RALGAPA1: variants seen among roughly 807,000 people sequenced by gnomAD.
RALGAPA1 encodes the protein Ral GTPase activating protein catalytic subunit alpha 1.
RALGAPA1 carries 52 observed loss-of-function variants against 269.6 expected under a neutral mutation model. That is an observed-to-expected ratio of 0.19 (90% CI 0.15 to 0.24). RALGAPA1 has a LOEUF of 0.24. Among genes scored for constraint, RALGAPA1 ranks in the 10% least tolerant of loss-of-function variants. RALGAPA1 has a pLI of 1.00. For missense variants in RALGAPA1, 1,917 were observed against 3,013.9 expected, an observed-to-expected ratio of 0.64 and a Z score of 8.52; for synonymous variants, 817 against 1,008.3, an observed-to-expected ratio of 0.81 and a Z score of 3.60.
At chr14:35,629,720 T>C (rs187461383) in intron 33 of RALGAPA1, among the ~76,000 whole-genome samples, 2 of 152,122 alleles carry the variant, frequency 1.3e-5, no homozygotes, top group African/African-American at 4.8e-5. Flanking sequence ...AGGCTGGTCT[T>C]GAACTCTTGA....
intron 37 of RALGAPA1, among the ~76,000 whole-genome samples, chr14:35,579,007 T>C (rs924866809): frequency 7.2e-5 from 11 of 152,028 alleles, no homozygotes; most frequent in Admixed American, 6.6e-5. Context: ...GAAAATAATA[T>C]AGGGTAATGT....
intron 16 of RALGAPA1, among the ~76,000 whole-genome samples, chr14:35,702,111 T>A (rs559837973): frequency 6.6e-6 from 1 of 152,326 alleles, no homozygotes; most frequent in East Asian, 1.9e-4. Context: ...AAGAACCATA[T>A]CCCCTGATCT....
intron 25 of RALGAPA1, among the ~76,000 whole-genome samples, chr14:35,672,141 T>C (rs2064511056): frequency 6.6e-6 from 1 of 152,314 alleles, no homozygotes; most frequent in Non-Finnish European, 1.5e-5. Flanking sequence ...GTCATTTTAC[T>C]TGAGACATGT....
In RALGAPA1 at chr14:35,742,503, T is replaced by C. The variant is rs1162657377; in HGVS notation, c.1314A>G (p.Glu438=). 6.2e-7 allele frequency: 1 copy of C among 1,602,840 alleles called. No homozygotes were observed. Among genetic ancestry groups the C allele is most frequent in the Admixed American group, 1.7e-5 (1 of 59,826 alleles). The change falls in exon 11 of 42, where the codon GAA becomes GAG. Residue 438 remains glutamate (E), a synonymous_variant. Coordinates refer to ENST00000680220, the MANE Select transcript of RALGAPA1 (RefSeq NM_001346249.2). ...AAGGTTTTTCCTCTTGTTGGATCCATTCTTGATATACTTTTACCACTTTTC... is the reference window on the plus strand; with the variant it reads ...AAGGTTTTTCCTCTTGTTGGATCCACTCTTGATATACTTTTACCACTTTTC... ...AMRKVVKVYQ[E]WIQQEEKPLF...
intron 15 of RALGAPA1, among the ~76,000 whole-genome samples, chr14:35,722,151 C>T (rs1489387335): frequency 1.3e-5 from 2 of 152,132 alleles, no homozygotes; most frequent in African/African-American, 4.8e-5. Flanking sequence ...AGGAAAGGTG[C>T]TAAACAAAAC....
At chr14:35,739,987 GTC>G (rs2071398700) in intron 11 of RALGAPA1, among the ~76,000 whole-genome samples, 1 of 152,066 alleles carries the variant, frequency 6.6e-6, no homozygotes, top group African/African-American at 2.4e-5. Flanking sequence ...CTGCTGTTCT[GTC>G]TCATCTACTC....
At chr14:35,623,805 C>T (rs563979165) in intron 35 of RALGAPA1, among the ~76,000 whole-genome samples, 20 of 152,248 alleles carry the variant, frequency 1.3e-4, no homozygotes, top group Middle Eastern at 3.4e-3. Flanking sequence ...TTAGGCCGGG[C>T]GCGGTGGCTC....
At chr14:35,556,889 T>A (rs1454213637) in intron 39 of RALGAPA1, among the ~76,000 whole-genome samples, 1 of 152,122 alleles carries the variant, frequency 6.6e-6, no homozygotes, top group Non-Finnish European at 1.5e-5. Flanking sequence ...TGCTCATAAA[T>A]CAGTCAATTA....
At chr14:35,606,288 C>A (rs2059592886) in intron 35 of RALGAPA1, among the ~76,000 whole-genome samples, 2 of 152,176 alleles carry the variant, frequency 1.3e-5, no homozygotes, top group Admixed American at 1.3e-4. Flanking sequence ...GATGGTACAG[C>A]CTACTACACA....
chr14:35,685,049 C>T lies in RALGAPA1; in HGVS notation c.4174G>A (p.Asp1392Asn), dbSNP rs749747392. ...GTCCATTCTGAGGGCACACCTGGGT[C>T]ATCAATAGGGCGCATCTGGTTCTGC... ...NKQNQMRPID[D>N]PGVPSEWTSP... is the part of the protein sequence containing the mutation. The change falls in exon 20 of 42, where the codon GAC becomes AAC. Residue 1392 changes from aspartate (D) to asparagine (N), a missense_variant. Physicochemically the swap from Asp to Asn is conservative, Grantham distance 23. This residue lies in a region of RALGAPA1 where 615 missense variants were observed against 790.0 expected (regional missense o/e 0.78). Coordinates refer to ENST00000680220, the MANE Select transcript of RALGAPA1 (RefSeq NM_001346249.2). 1.2e-6 allele frequency: 2 copies of T among 1,606,888 alleles called. No homozygotes were observed. The highest frequency in any genetic ancestry group is 2.2e-5 in the East Asian group (1 of 44,670).
At chr14:35,719,095 A>G (rs947544650) in intron 16 of RALGAPA1, among the ~76,000 whole-genome samples, 9 of 152,016 alleles carry the variant, frequency 5.9e-5, no homozygotes, top group Non-Finnish European at 1.0e-4. Flanking sequence ...TTGGGAGGCC[A>G]AGGTGGGTGG....
At chr14:35,764,799 C>G (rs897059188) in intron 4 of RALGAPA1, among the ~76,000 whole-genome samples, 7 of 152,120 alleles carry the variant, frequency 4.6e-5, no homozygotes, top group Admixed American at 1.3e-4. Flanking sequence ...CCCACCTTGG[C>G]CTCCCATCCC....
rs928936093 is a variant in RALGAPA1 at position 35,570,749 on chromosome 14, T to C, written c.7369-5A>G. On this transcript the variant is annotated splice_polypyrimidine_tract_variant and splice_region_variant and intron_variant, in intron 38 of 41. Transcript: ENST00000680220. ...AAGGGGACCAAAGAAGGGAACCTGA[T>C]TGAGAAATCAGAACATAATTTTACA... 1 of 1,582,912 alleles carries C rather than the reference T, an allele frequency of 6.3e-7. No individual in the cohort carries two copies.
intron 6 of RALGAPA1, among the ~76,000 whole-genome samples, chr14:35,758,263 A>C (rs1260512251): frequency 2.0e-5 from 3 of 150,982 alleles, no homozygotes; most frequent in African/African-American, 7.3e-5. Context: ...AAAAAAAAAA[A>C]AAACAAACCG....
chr14:35,647,213 C>T (rs1415862389), intron 31 of RALGAPA1, among the ~76,000 whole-genome samples: 3 of 152,040 alleles, frequency 2.0e-5, no homozygotes, highest in African/African-American at 4.8e-5. Context: ...ACTGCTGGCA[C>T]GTGATTTTAA....
chr14:35,780,946 C>T (rs2075381007), intron 1 of RALGAPA1, among the ~76,000 whole-genome samples: 1 of 151,914 alleles, frequency 6.6e-6, no homozygotes, highest in South Asian at 2.1e-4. Flanking sequence ...TTAAAAATAG[C>T]CAGGTGTGGT....
At chr14:35,782,703 C>T (rs2075529837) in intron 1 of RALGAPA1, among the ~76,000 whole-genome samples, 2 of 152,116 alleles carry the variant, frequency 1.3e-5, no homozygotes, top group Non-Finnish European at 2.9e-5. Context: ...GGATTACAGA[C>T]ATGAGCCACC....
At chr14:35,744,546 G>A (rs954652902) in intron 10 of RALGAPA1, among the ~76,000 whole-genome samples, 2 of 151,898 alleles carry the variant, frequency 1.3e-5, no homozygotes, top group African/African-American at 2.4e-5. Context: ...TTATCTTATC[G>A]GAATGAAATC....
At chr14:35,567,073 A>G (rs1231977529) in intron 39 of RALGAPA1, among the ~76,000 whole-genome samples, 2 of 151,840 alleles carry the variant, frequency 1.3e-5, no homozygotes, top group Non-Finnish European at 2.9e-5. Flanking sequence ...AGTCAAGAAA[A>G]ATTTGTTTGA....
Sources: allele counts gnomAD v4.1 joint callset (sites outside exome capture counted in the v4.1 genomes callset), GRCh38; gene constraint gnomAD v4.1.1; regional missense constraint gnomAD v4.1.1; transcripts MANE v1.5; gene names NCBI Gene and HGNC (gene_info 2026-07-23, HGNC 2026-07-21).